Variants in SLC9D1 observed in about 807,000 individuals in gnomAD.
The protein encoded by SLC9D1 is putative LAG1-interacting protein.
chr13:113,547,128 T>C, the SLC9D1 span: 1 of 614,102 alleles, frequency 1.6e-6, no homozygotes, highest in East Asian at 2.8e-5. Flanking sequence ...CCCGGTTCGC[T>C]CAGGAAAGGG....
the SLC9D1 span, among the ~76,000 whole-genome samples, chr13:113,521,470 C>A: frequency 6.6e-6 from 1 of 150,546 alleles, no homozygotes; most frequent in Non-Finnish European, 1.5e-5. Context: ...GGGGTATCCA[C>A]GTGTGCATAT....
the SLC9D1 span, among the ~76,000 whole-genome samples, chr13:113,513,447 T>C: frequency 6.6e-6 from 1 of 151,880 alleles, no homozygotes; most frequent in Non-Finnish European, 1.5e-5. Flanking sequence ...GAAAAGGAGA[T>C]GTTTGAGTTT....
At chr13:113,511,164 G>A in the SLC9D1 span, among the ~76,000 whole-genome samples, 1 of 135,216 alleles carries the variant, frequency 7.4e-6, no homozygotes, top group Non-Finnish European at 1.6e-5. Context: ...CTTGGCAGGT[G>A]GCTGTTTCTG....
the SLC9D1 span, among the ~76,000 whole-genome samples, chr13:113,513,166 C>T: frequency 6.6e-6 from 1 of 152,162 alleles, no homozygotes. Flanking sequence ...GCTGATAGGA[C>T]ACGTCTCCTC....
the SLC9D1 span, chr13:113,548,487 C>T: frequency 7.5e-5 from 118 of 1,583,418 alleles, no homozygotes; most frequent in African/African-American, 9.5e-5. Flanking sequence ...GCTTCTCGGG[C>T]GGCACGGGCT....
chr13:113,508,717 C>A, the SLC9D1 span, among the ~76,000 whole-genome samples: 1 of 152,196 alleles, frequency 6.6e-6, no homozygotes, highest in Admixed American at 6.5e-5. Flanking sequence ...TGTGCTTCCC[C>A]TTTGGGGTCC....
chr13:113,499,893 G>A, the SLC9D1 span: 126,642 of 993,926 alleles, frequency 0.13, 10,168 homozygotes, highest in African/African-American at 0.35. Context: ...TCTGTTTAGC[G>A]TTCATTCTCC....
At chr13:113,508,801 T>G in the SLC9D1 span, among the ~76,000 whole-genome samples, 3 of 152,200 alleles carry the variant, frequency 2.0e-5, no homozygotes, top group Non-Finnish European at 2.9e-5. Flanking sequence ...CTCATTTCCC[T>G]GATTCTCAAA....
the SLC9D1 span, chr13:113,530,328 G>C: frequency 6.6e-6 from 1 of 152,154 alleles, no homozygotes; most frequent in South Asian, 2.1e-4. Flanking sequence ...GGAAACCATT[G>C]AATTGTATAC....
the SLC9D1 span, chr13:113,534,123 T>A: frequency 1.9e-6 from 3 of 1,613,274 alleles, no homozygotes; most frequent in Non-Finnish European, 2.5e-6. Context: ...TTCTTTTATG[T>A]CTTGTTATAA....
the SLC9D1 span, among the ~76,000 whole-genome samples, chr13:113,512,147 T>C: frequency 2.9e-4 from 42 of 143,138 alleles, no homozygotes; most frequent in African/African-American, 1.0e-3. Context: ...TCAGTATATA[T>C]ACACTCGGAG....
the SLC9D1 span, chr13:113,529,403 C>A: frequency 6.6e-6 from 1 of 151,696 alleles, no homozygotes; most frequent in Non-Finnish European, 1.5e-5. Flanking sequence ...GTCATCCTAG[C>A]GCTTTGGGAG....
the SLC9D1 span, chr13:113,536,688 C>G: frequency 1.6e-5 from 6 of 385,324 alleles, no homozygotes; most frequent in Non-Finnish European, 2.1e-5. Flanking sequence ...GCTTGGGGTG[C>G]TGGGCCTTCT....
the SLC9D1 span, among the ~76,000 whole-genome samples, chr13:113,508,279 T>C: frequency 0.19 from 28,179 of 152,184 alleles, 3,447 homozygotes; most frequent in African/African-American, 0.35. Context: ...AGCGAGTTAG[T>C]GGCAGATCAG....
the SLC9D1 span, among the ~76,000 whole-genome samples, chr13:113,531,521 C>T: frequency 6.0e-5 from 9 of 150,142 alleles, no homozygotes; most frequent in African/African-American, 9.9e-5. Context: ...CACGGCGCCC[C>T]GTACGTGCAG....
At chr13:113,515,377 A>C in the SLC9D1 span, among the ~76,000 whole-genome samples, 1 of 152,220 alleles carries the variant, frequency 6.6e-6, no homozygotes, top group Admixed American at 6.5e-5. Context: ...CTTTACATAC[A>C]TGCAAACTTT....
the SLC9D1 span, chr13:113,547,422 C>T: frequency 6.7e-7 from 1 of 1,481,832 alleles, no homozygotes; most frequent in Non-Finnish European, 9.4e-7. Context: ...TTTGCAGGCT[C>T]AGCATAGCCC....
At chr13:113,510,388 A>G in the SLC9D1 span, 2 of 1,613,656 alleles carry the variant, frequency 1.2e-6, no homozygotes, top group Non-Finnish European at 1.7e-6. Flanking sequence ...CCTCGTGTCC[A>G]GGTTCCTCAT....
chr13:113,493,896 T>A, the SLC9D1 span, among the ~76,000 whole-genome samples: 1 of 152,222 alleles, frequency 6.6e-6, no homozygotes, highest in African/African-American at 2.4e-5. Context: ...TTAGTTCTCC[T>A]GTTTGTTTTG....
Sources: gnomAD v4.1 joint callset for allele counts (sites outside exome capture counted in the v4.1 genomes callset) on GRCh38, gnomAD v4.1.1 for gene constraint, MANE v1.5 for transcripts, NCBI Gene and HGNC (gene_info 2026-07-23, HGNC 2026-07-21) for gene names.